Variants in RIMBP2 observed in about 807,000 individuals in gnomAD.
The protein encoded by RIMBP2 is RIMS binding protein 2.
In RIMBP2, 48 loss-of-function variants were observed where a neutral mutation model predicts 118.6. The ratio of observed to expected loss-of-function variants is 0.40; its 90% CI spans 0.32 to 0.51. The LOEUF is 0.51. Among genes scored for constraint, RIMBP2 ranks in the 20% least tolerant of loss-of-function variants. The pLI is 0.41. For synonymous variants in RIMBP2, 762 were observed against 742.9 expected (o/e 1.03, Z -0.42); for missense variants, 1,551 against 1,768.3 (o/e 0.88, Z 2.20).
chr12:130,654,193 T>A (rs1255128082), intron 1 of RIMBP2, among the ~76,000 whole-genome samples: 1 of 152,244 alleles, frequency 6.6e-6, no homozygotes, highest in Non-Finnish European at 1.5e-5. Context: ...TGCTTCCTTT[T>A]TAACTATAAG....
intron 5 of RIMBP2, among the ~76,000 whole-genome samples, chr12:130,473,938 A>C (rs1239969439): frequency 6.6e-6 from 1 of 151,468 alleles, no homozygotes; most frequent in Non-Finnish European, 1.5e-5. Context: ...GAAAGCGGTC[A>C]TTCTACCAGT....
At chr12:130,463,610 C>G (rs2080199512) in intron 6 of RIMBP2, among the ~76,000 whole-genome samples, 2 of 152,034 alleles carry the variant, frequency 1.3e-5, no homozygotes, top group Non-Finnish European at 2.9e-5. Flanking sequence ...GTTCTGAGAG[C>G]AAGGGGCCAG....
intron 2 of RIMBP2, among the ~76,000 whole-genome samples, chr12:130,610,000 A>G (rs1412707243): frequency 1.3e-5 from 2 of 152,204 alleles, no homozygotes; most frequent in Non-Finnish European, 2.9e-5. Context: ...CACCTTCTCC[A>G]GAAACGCCCT....
At chr12:130,460,543 C>T (rs2079885451) in intron 6 of RIMBP2, among the ~76,000 whole-genome samples, 1 of 151,994 alleles carries the variant, frequency 6.6e-6, no homozygotes, top group Non-Finnish European at 1.5e-5. Context: ...TAATAGCAGC[C>T]TAGTATTAGC....
At chr12:130,401,903 A>G (rs2074618939) in intron 21 of RIMBP2, among the ~76,000 whole-genome samples, 1 of 152,012 alleles carries the variant, frequency 6.6e-6, no homozygotes, top group Non-Finnish European at 1.5e-5. Context: ...TTATGCACAC[A>G]TCTCCGCTGG....
intron 1 of RIMBP2, among the ~76,000 whole-genome samples, chr12:130,662,374 G>A (rs2136355111): frequency 6.6e-6 from 1 of 152,230 alleles, no homozygotes; most frequent in East Asian, 1.9e-4. Context: ...TAGGAATCTG[G>A]AGGCGGAGCG....
chr12:130,564,673 C>T (rs1355105511), intron 2 of RIMBP2, among the ~76,000 whole-genome samples: 8 of 152,166 alleles, frequency 5.3e-5, no homozygotes. Context: ...AATACTGTAA[C>T]ACTCCTTTTA....
intron 1 of RIMBP2, among the ~76,000 whole-genome samples, chr12:130,681,666 C>T (rs1357905491): frequency 2.0e-5 from 3 of 152,156 alleles, no homozygotes; most frequent in Non-Finnish European, 4.4e-5. Flanking sequence ...TTATCCATCC[C>T]TCACATGACA....
intron 2 of RIMBP2, among the ~76,000 whole-genome samples, chr12:130,583,742 CTCA>C (rs1299785327): frequency 7.3e-6 from 1 of 136,474 alleles, no homozygotes; most frequent in Non-Finnish European, 1.6e-5. Flanking sequence ...CCCCCATCAC[CTCA>C]TCACCACCAC....
chr12:130,459,104 A>G (rs1438603530), intron 6 of RIMBP2, among the ~76,000 whole-genome samples: 1 of 151,682 alleles, frequency 6.6e-6, no homozygotes, highest in Admixed American at 6.6e-5. Context: ...TCTTGAAATG[A>G]TAAAATTATA....
intron 2 of RIMBP2, among the ~76,000 whole-genome samples, chr12:130,625,237 C>A (rs1204808924): frequency 6.6e-6 from 1 of 152,132 alleles, no homozygotes; most frequent in Non-Finnish European, 1.5e-5. Context: ...ATACTCACAA[C>A]CCCTGTGAAA....
intron 2 of RIMBP2, among the ~76,000 whole-genome samples, chr12:130,539,611 G>C (rs1281698903): frequency 4.7e-5 from 7 of 148,826 alleles, no homozygotes; most frequent in South Asian, 2.2e-4. Context: ...AAATGCAGTC[G>C]ATGAGGTGGC....
rs575234703 is a variant in RIMBP2 at position 130,424,616 on chromosome 12, C to T, written c.2655G>A (p.Pro885=). Residue 885 remains proline (P), a synonymous_variant, in exon 16 of 23, where the codon CCG becomes CCA. Coordinates refer to ENST00000690449, the MANE Select transcript of RIMBP2 (RefSeq NM_001393629.1). The surrounding 1 kb of genome is among the most constrained non-coding windows in gnomAD (Gnocchi z 9.8). ...CGGCCCCCGAGCCCCTGTGCTTCACCGGGAACCAGGAGCCCCGAGGGGCCT... is the reference window on the plus strand; with the variant it reads ...CGGCCCCCGAGCCCCTGTGCTTCACTGGGAACCAGGAGCCCCGAGGGGCCT... ...GDEAPRGSWF[P]VKHRGSGAVP... 82 of 1,231,890 alleles carry T rather than the reference C, an allele frequency of 6.7e-5. No individual in the cohort carries two copies. In the African/African-American group the frequency reaches 8.2e-4, roughly 12 times the overall value. The allele number at this position is 1,231,890 out of a possible 1,614,324, so 76.3% of individuals were successfully genotyped here.
Position 130,441,960 on chromosome 12 carries a change from G to A in RIMBP2, c.1392C>T (p.Asn464=). 3.1e-6 allele frequency: 5 copies of A among 1,614,132 alleles called. No homozygotes were observed. The highest frequency in any genetic ancestry group is 4.2e-6 in the Non-Finnish European group (5 of 1,180,044). Residue 464 remains asparagine, a synonymous_variant, in exon 11 of 23, where the codon AAC becomes AAT. Transcript: ENST00000690449. Reference sequence around the variant, plus strand: ...CCAGAACCTTCACCTTATAGGCCATGTTGGGCCTGAGATTGAAGAACTGGT... The same window carrying A: ...CCAGAACCTTCACCTTATAGGCCATATTGGGCCTGAGATTGAAGAACTGGT... ...YKYQFFNLRP[N]MAYKVKVLAK... is the part of the protein sequence containing the mutation.
intron 1 of RIMBP2, among the ~76,000 whole-genome samples, chr12:130,649,262 G>A (rs2136255602): frequency 9.0e-6 from 1 of 110,758 alleles, no homozygotes; most frequent in Admixed American, 9.1e-5. Flanking sequence ...GGGGCTTGCT[G>A]CGACGTACGT....
intron 1 of RIMBP2, among the ~76,000 whole-genome samples, chr12:130,682,140 G>A (rs1166465444): frequency 1.1e-4 from 17 of 152,228 alleles, no homozygotes; most frequent in East Asian, 3.9e-4. Flanking sequence ...CCCGTATCCC[G>A]GTGAGGGGAT....
intron 2 of RIMBP2, among the ~76,000 whole-genome samples, chr12:130,569,739 C>A (rs910301484): frequency 6.6e-6 from 1 of 152,160 alleles, no homozygotes. Context: ...CTTCACCTTC[C>A]GCCATGACTG....
At chr12:130,530,195 G>T (rs866632601) in intron 2 of RIMBP2, among the ~76,000 whole-genome samples, 15 of 152,176 alleles carry the variant, frequency 9.9e-5, no homozygotes, top group Middle Eastern at 3.4e-3. Flanking sequence ...AACAATCTGC[G>T]CCAATACTAG....
chr12:130,578,351 C>G lies in RIMBP2; in HGVS notation c.-217+49971G>C, dbSNP rs1393653448. 6.6e-6 allele frequency among the ~76,000 whole-genome samples: 1 copy of G among 152,212 alleles called. No individual in the cohort carries two copies. The highest frequency in any genetic ancestry group is 1.9e-4 in the East Asian group (1 of 5,198). ...AGCATCATTCTGGATGGCTGCTGCT[C>G]TGCCCTAGAATCCAACATGGCTCCC... On this transcript the variant is annotated intron_variant, in intron 2 of 22. Coordinates refer to ENST00000690449, the MANE Select transcript of RIMBP2 (RefSeq NM_001393629.1). This position sits in a 1 kb window ranked among gnomAD's most constrained non-coding sequence, Gnocchi z 4.1.
Sources: allele counts gnomAD v4.1 joint callset (sites outside exome capture counted in the v4.1 genomes callset), GRCh38; gene constraint gnomAD v4.1.1; non-coding constraint Gnocchi (gnomAD v3.1); transcripts MANE v1.5; gene names NCBI Gene and HGNC (gene_info 2026-07-23, HGNC 2026-07-21).